Variants in APBA2 observed in about 807,000 individuals in gnomAD.
APBA2 encodes amyloid-beta A4 precursor protein-binding family A member 2.
APBA2 carries 30 observed loss-of-function variants against 75.0 expected under a neutral mutation model. The ratio of observed to expected loss-of-function variants is 0.40; its 90% CI spans 0.30 to 0.54. The LOEUF is 0.54. Among genes scored for constraint, APBA2 ranks in the 20% least tolerant of loss-of-function variants. The pLI, the probability that APBA2 is intolerant of heterozygous loss-of-function variation, is 0.49. For synonymous variants in APBA2, 444 were observed against 409.6 expected (o/e 1.08, Z -1.01); for missense variants, 801 against 1,016.1 (o/e 0.79, Z 2.88).
chr15:28,906,727 G>C (rs922015102), intron 1 of APBA2, among the ~76,000 whole-genome samples: 1 of 152,148 alleles, frequency 6.6e-6, no homozygotes, highest in Non-Finnish European at 1.5e-5. Flanking sequence ...ATTTCATTTT[G>C]TATTTGTAAA....
intron 2 of APBA2, among the ~76,000 whole-genome samples, chr15:28,973,110 G>C (rs934846134): frequency 1.3e-5 from 2 of 152,346 alleles, no homozygotes; most frequent in South Asian, 4.1e-4. Context: ...CCAGAATCAT[G>C]CAAACTCCAT....
intron 6 of APBA2, among the ~76,000 whole-genome samples, chr15:29,079,623 G>A (rs1481348808): frequency 6.6e-6 from 1 of 152,040 alleles, no homozygotes; most frequent in Non-Finnish European, 1.5e-5. Flanking sequence ...ATCCCACTGC[G>A]GGCCCTTCCA....
Position 29,046,679 on chromosome 15 carries a change from T to C in APBA2, c.-40-7166T>C, listed in dbSNP as rs1212250242. Among the ~76,000 whole-genome samples, 1 of 152,234 alleles carries C rather than the reference T, an allele frequency of 6.6e-6. No individual in the cohort carries two copies. Among genetic ancestry groups the C allele is most frequent in the African/African-American group, 2.4e-5 (1 of 41,480 alleles). ...ACCTTGGAATCTTGGGCCATGAACC[T>C]GCACACTCTCCAGGTGGGCCTTGTG... On this transcript the variant is annotated intron_variant, in intron 3 of 14. Transcript: ENST00000683413. This position sits in a 1 kb window ranked among gnomAD's most constrained non-coding sequence, Gnocchi z 5.0.
chr15:29,050,282 G>A (rs1228287797), intron 3 of APBA2, among the ~76,000 whole-genome samples: 1 of 152,104 alleles, frequency 6.6e-6, no homozygotes, highest in Non-Finnish European at 1.5e-5. Flanking sequence ...ACCTAGCAAA[G>A]GTATCATTCT....
In APBA2 at chr15:29,106,624, C is replaced by G; in HGVS notation, c.1722C>G (p.His574Gln). 6 of 1,613,194 alleles carry G rather than the reference C, an allele frequency of 3.7e-6. No individual in the cohort carries two copies. Among genetic ancestry groups the G allele is most frequent in the Non-Finnish European group, 5.1e-6 (6 of 1,180,022 alleles). The change falls in exon 12 of 15, where the codon CAC becomes CAG. Residue 574 changes from histidine to glutamine, a missense_variant. Physicochemically the swap from His to Gln is conservative, Grantham distance 24. Coordinates refer to ENST00000683413, the MANE Select transcript of APBA2 (RefSeq NM_001353788.2). ...CTTTGCAGCTGCAGCTGGAGAAGCA[C>G]AAGGGCGAGATCCTGGGCGTGGTGG... ...ENCKELQLEK[H>Q]KGEILGVVVV...
intron 1 of APBA2, among the ~76,000 whole-genome samples, chr15:28,908,566 G>C (rs1223432945): frequency 2.0e-5 from 3 of 151,908 alleles, no homozygotes; most frequent in African/African-American, 7.3e-5. Context: ...GCCTCCGCCT[G>C]TCAAAGTGCT....
At chr15:29,079,631 C>G (rs1461553649) in intron 6 of APBA2, among the ~76,000 whole-genome samples, 1 of 152,084 alleles carries the variant, frequency 6.6e-6, no homozygotes, top group Non-Finnish European at 1.5e-5. Context: ...GCGGGCCCTT[C>G]CAGCCTCCTG....
At chr15:29,011,290 G>C (rs1307037925) in intron 3 of APBA2, among the ~76,000 whole-genome samples, 1 of 152,208 alleles carries the variant, frequency 6.6e-6, no homozygotes. Flanking sequence ...TAGTGCTGCT[G>C]TGAACATGGC....
At chr15:28,938,366 G>A (rs2034997107) in intron 2 of APBA2, among the ~76,000 whole-genome samples, 2 of 152,210 alleles carry the variant, frequency 1.3e-5, no homozygotes, top group Non-Finnish European at 2.9e-5. Context: ...AAACGGAAGT[G>A]TGTCTGCTGA....
chr15:29,032,006 T>C (rs1289925095), intron 3 of APBA2, among the ~76,000 whole-genome samples: 12 of 152,216 alleles, frequency 7.9e-5, no homozygotes, highest in Admixed American at 2.6e-4. Flanking sequence ...TGAGAGTTAA[T>C]GTAGCAGAGG....
At chr15:28,983,270 C>G (rs192172339) in intron 2 of APBA2, among the ~76,000 whole-genome samples, 2 of 152,258 alleles carry the variant, frequency 1.3e-5, no homozygotes, top group Admixed American at 1.3e-4. Flanking sequence ...GTAAGGTGGT[C>G]CTTGTCTGAG....
At chr15:29,045,298 G>A (rs914814470) in intron 3 of APBA2, among the ~76,000 whole-genome samples, 1 of 148,992 alleles carries the variant, frequency 6.7e-6, no homozygotes, top group Non-Finnish European at 1.5e-5. Context: ...CACAATGTTG[G>A]CCAGGCTGGT....
chr15:29,056,083 G>A (rs2041873057), intron 4 of APBA2, among the ~76,000 whole-genome samples: 1 of 152,218 alleles, frequency 6.6e-6, no homozygotes, highest in African/African-American at 2.4e-5. Flanking sequence ...GGGCTGTGCA[G>A]AGCGTGTGAC....
intron 1 of APBA2, among the ~76,000 whole-genome samples, chr15:28,910,409 C>CAATGATTCCTGCCAA: frequency 6.6e-6 from 1 of 152,292 alleles, no homozygotes; most frequent in East Asian, 1.9e-4. Context: ...GTATCTAGCA[C>CAATGATTCCTGCCAA]AATGATTCCT....
At position 29,053,556 on chromosome 15, in the gene APBA2, T is replaced by G. The variant is rs549814008; in HGVS notation, c.-40-289T>G. Among the ~76,000 whole-genome samples the G allele has an allele frequency of 3.3e-5, 5 of 152,230 alleles. No homozygotes were observed. The South Asian group carries it at 1.0e-3, about 32-fold the overall frequency. On this transcript the variant is annotated intron_variant, in intron 3 of 14. Transcript: ENST00000683413. Reference sequence around the variant, plus strand: ...TGGGCTACCCAAACTGAGTGAGAAGTCAGGAATGAGCCGGTAGGTTCCTGG... The same window carrying G: ...TGGGCTACCCAAACTGAGTGAGAAGGCAGGAATGAGCCGGTAGGTTCCTGG...
chr15:29,114,711 C>CAT (rs113630417), intron 14 of APBA2, among the ~76,000 whole-genome samples: 125,459 of 148,762 alleles, frequency 0.84, 52,983 homozygotes, highest in Non-Finnish European at 0.89. Flanking sequence ...TGTGCGTGCA[C>CAT]GTGGGTGTAT....
intron 2 of APBA2, among the ~76,000 whole-genome samples, chr15:28,993,437 C>T (rs1411552718): frequency 6.6e-6 from 1 of 152,158 alleles, no homozygotes; most frequent in Non-Finnish European, 1.5e-5. Flanking sequence ...AGCGAAAATG[C>T]TGCTGGGAAA....
chr15:29,058,191 C>T lies in APBA2; in HGVS notation c.951+3356C>T, dbSNP rs182530309. On this transcript the variant is annotated intron_variant, in intron 4 of 14. Coordinates refer to ENST00000683413, the MANE Select transcript of APBA2 (RefSeq NM_001353788.2). Reference sequence around the variant, plus strand: ...TCTGGGTAGATGTATTCACAGAGGACATTGCTTTGGTCTGGTCGATACGAA... The same window carrying T: ...TCTGGGTAGATGTATTCACAGAGGATATTGCTTTGGTCTGGTCGATACGAA... Among the ~76,000 whole-genome samples, 284 of 152,222 alleles carry T rather than the reference C, an allele frequency of 1.9e-3. 2 individuals are homozygous for T. Among genetic ancestry groups the T allele is most frequent in the African/African-American group, 6.6e-3 (273 of 41,522 alleles).
At chr15:28,888,708 C>T (rs1311309790) in intron 1 of APBA2, among the ~76,000 whole-genome samples, 2 of 152,098 alleles carry the variant, frequency 1.3e-5, no homozygotes, top group Non-Finnish European at 2.9e-5. Flanking sequence ...GCAGCCTGGT[C>T]CTTAGAGAAT....
Sources: allele counts gnomAD v4.1 joint callset (sites outside exome capture counted in the v4.1 genomes callset), GRCh38; gene constraint gnomAD v4.1.1; non-coding constraint Gnocchi (gnomAD v3.1); transcripts MANE v1.5; gene names NCBI Gene and HGNC (gene_info 2026-07-23, HGNC 2026-07-21).